The following RAPH1 variants were observed in gnomAD, a reference collection of about 807,000 sequenced individuals.
RAPH1 encodes the protein Ras association (RalGDS/AF-6) and pleckstrin homology domains 1, also known as ras-associated and pleckstrin homology domains-containing protein 1.
A neutral mutation model predicts 88.1 loss-of-function variants in RAPH1; 18 were observed. That is an observed-to-expected ratio of 0.20 (90% CI 0.14 to 0.30). The LOEUF is 0.30. Ranked by LOEUF, RAPH1 falls within the 10% of genes least tolerant of loss-of-function variation. The probability of loss-of-function intolerance (pLI) is 1.00; values close to 1 mark genes in which losing one functional copy is unlikely to be tolerated. For synonymous variants in RAPH1, 587 were observed against 559.0 expected, an observed-to-expected ratio of 1.05 and a Z score of -0.71; for missense variants, 1,448 against 1,543.2, an observed-to-expected ratio of 0.94 and a Z score of 1.03.
At chr2:203,533,692 T>C (rs1219551005) in intron 1 of RAPH1, among the ~76,000 whole-genome samples, 1 of 152,040 alleles carries the variant, frequency 6.6e-6, no homozygotes, top group Non-Finnish European at 1.5e-5. Flanking sequence ...TTTTACTATA[T>C]AGTTCACTGT....
chr2:203,515,160 T>A (rs774282387), intron 1 of RAPH1, among the ~76,000 whole-genome samples: 3 of 151,680 alleles, frequency 2.0e-5, no homozygotes, highest in Non-Finnish European at 4.4e-5. Flanking sequence ...CAGTCTCAGA[T>A]AATATATTAA....
At chr2:203,497,258 T>G (rs936765271) in intron 1 of RAPH1, among the ~76,000 whole-genome samples, 4 of 152,226 alleles carry the variant, frequency 2.6e-5, no homozygotes, top group African/African-American at 9.6e-5. Context: ...GTTTTAATAA[T>G]GTACTTCCCA....
At chr2:203,496,685 T>C (rs1437530836) in intron 1 of RAPH1, among the ~76,000 whole-genome samples, 1 of 152,226 alleles carries the variant, frequency 6.6e-6, no homozygotes, top group Non-Finnish European at 1.5e-5. Flanking sequence ...TGTTTCTTAA[T>C]ATCATAGTTA....
At chr2:203,517,497 T>A (rs1332656011) in intron 1 of RAPH1, among the ~76,000 whole-genome samples, 3 of 150,258 alleles carry the variant, frequency 2.0e-5, no homozygotes, top group African/African-American at 4.9e-5. Context: ...TTGAACTCAA[T>A]AACACCATCA....
intron 1 of RAPH1, among the ~76,000 whole-genome samples, chr2:203,525,242 A>C (rs1342147378): frequency 6.6e-6 from 1 of 152,054 alleles, no homozygotes; most frequent in Non-Finnish European, 1.5e-5. Context: ...CTGGAGTGCA[A>C]TGGCACAATC....
At chr2:203,461,065 G>C (rs776449445) in intron 6 of RAPH1, among the ~76,000 whole-genome samples, 184 bp downstream of exon 6, 1 of 151,958 alleles carries the variant, frequency 6.6e-6, no homozygotes, top group South Asian at 2.1e-4. Context: ...GCAGTGACCC[G>C]AGATCGTGCC....
In RAPH1 at chr2:203,440,658, C is replaced by G; in HGVS notation, c.2532G>C (p.Gln844His). Residue 844 changes from glutamine (Q) to histidine (H), a missense_variant, in exon 14 of 14, where the codon CAG (glutamine) becomes CAC (histidine). Around this residue, in one of 2 missense-constraint regions of RAPH1, gnomAD observed 935 missense variants for 890.1 expected, o/e 1.05. Coordinates refer to ENST00000319170, the MANE Select transcript of RAPH1 (RefSeq NM_213589.3). ...PVPPPTLPKQQSFCAKPPPSP... is the reference protein window; with the variant it reads ...PVPPPTLPKQHSFCAKPPPSP... ...AGGGAGGGGGTTTTGCACAGAAGCTCTGTTGCTTGGGTAATGTTGGCGGGG... is the reference window on the plus strand; with the variant it reads ...AGGGAGGGGGTTTTGCACAGAAGCTGTGTTGCTTGGGTAATGTTGGCGGGG... 6.7e-7 allele frequency: 1 copy of G among 1,501,604 alleles called. No homozygotes were observed. The highest frequency in any genetic ancestry group is 1.2e-5 in the South Asian group (1 of 80,420). 93.0% of individuals were successfully genotyped at this position (1,501,604 alleles called of 1,614,324 possible). A position where few individuals can be genotyped will look rare whatever the true frequency, so the allele number is the denominator to read the frequency against.
chr2:203,528,011 T>C (rs1690203377), intron 1 of RAPH1, among the ~76,000 whole-genome samples: 1 of 152,140 alleles, frequency 6.6e-6, no homozygotes, highest in African/African-American at 2.4e-5. Flanking sequence ...CATGGTATTT[T>C]GTACCAAACA....
At position 203,439,253 on chromosome 2, in the gene RAPH1, A is replaced by G; in HGVS notation, c.*184T>C. 1.7e-6 allele frequency: 1 copy of G among 582,670 alleles called. No homozygotes were observed. Among genetic ancestry groups the G allele is most frequent in the Non-Finnish European group, 3.1e-6 (1 of 327,324 alleles). The allele number at this position is 582,670 out of a possible 1,614,324, so 36.1% of individuals were successfully genotyped here. A position where few individuals can be genotyped will look rare whatever the true frequency, so the allele number is the denominator to read the frequency against. On this transcript the variant is annotated 3_prime_UTR_variant, in exon 14 of 14. Transcript: ENST00000319170. Reference sequence around the variant, plus strand: ...TACACATACACATACATATATGTATACATATATACACACACTGTACAGCTG... The same window carrying G: ...TACACATACACATACATATATGTATGCATATATACACACACTGTACAGCTG...
Position 203,440,382 on chromosome 2 carries a change from T to C in RAPH1, c.2808A>G (p.Pro936=), listed in dbSNP as rs1230843370. 6.4e-7 allele frequency: 1 copy of C among 1,559,352 alleles called. No individual in the cohort carries two copies. Among genetic ancestry groups the C allele is most frequent in the Non-Finnish European group, 8.7e-7 (1 of 1,152,474 alleles). ...VFPPPPPSPV[P]APPPPPPPTA... ...TGGGTGGAGGTGGTGGTGGTGGGGC[T>C]GGGACAGGTGATGGGGGTGGAGGAG... is the stretch of plus-strand genomic sequence containing the variant. Residue 936 remains proline, a synonymous_variant, in exon 14 of 14, where the codon CCA becomes CCG. Transcript: ENST00000319170.
At chr2:203,457,445 A>C in intron 8 of RAPH1, 85 bp downstream of exon 8, 1 of 1,043,258 alleles carries the variant, frequency 9.6e-7, no homozygotes, top group Non-Finnish European at 1.5e-6. Flanking sequence ...CAGCCTCCCG[A>C]AGTGTTGGGA....
intron 1 of RAPH1, among the ~76,000 whole-genome samples, chr2:203,520,721 G>A (rs1321378298): frequency 1.3e-5 from 2 of 151,890 alleles, no homozygotes; most frequent in African/African-American, 4.8e-5. Flanking sequence ...GAAACCATCA[G>A]ACTCATAAAG....
In RAPH1 at chr2:203,439,505, A is replaced by G. The variant is rs371740297; in HGVS notation, c.3685T>C (p.Leu1229=). 6.2e-6 allele frequency: 10 copies of G among 1,613,942 alleles called. No homozygotes were observed. In the African/African-American group the frequency reaches 9.3e-5, roughly 15 times the overall value. The change falls in exon 14 of 14, where the codon TTG becomes CTG. Residue 1229 remains leucine (L), a synonymous_variant. Coordinates refer to ENST00000319170, the MANE Select transcript of RAPH1 (RefSeq NM_213589.3). ...GGSHISGYAT[L]RRGPPPAPPK... ...GGAGCAGGAGGGGGTCCTCTCCGCA[A>G]CGTTGCATAGCCTGATATATGACTG...
At chr2:203,468,787 C>T (rs1433402958) in intron 4 of RAPH1, among the ~76,000 whole-genome samples, 11 of 151,916 alleles carry the variant, frequency 7.2e-5, no homozygotes, top group Non-Finnish European at 1.2e-4. Flanking sequence ...GGAAGGGGGA[C>T]GGGCAATAAT....
chr2:203,473,676 A>T (rs746989103), intron 4 of RAPH1, among the ~76,000 whole-genome samples: 1 of 151,424 alleles, frequency 6.6e-6, no homozygotes, highest in Admixed American at 6.6e-5. Flanking sequence ...ACGTTTAATT[A>T]AAAAAAAATT....
intron 2 of RAPH1, among the ~76,000 whole-genome samples, chr2:203,494,699 C>G (rs1277756563): frequency 6.6e-6 from 1 of 151,372 alleles, no homozygotes; most frequent in Non-Finnish European, 1.5e-5. Context: ...GTCCCAGCTA[C>G]TCGGGAGGCT....
intron 4 of RAPH1, among the ~76,000 whole-genome samples, chr2:203,478,222 G>A (rs1439620036): frequency 6.6e-6 from 1 of 151,918 alleles, no homozygotes; most frequent in Admixed American, 6.6e-5. Context: ...TTTTAGTAGA[G>A]ACGGGGTTTC....
At chr2:203,514,208 G>A (rs889725139) in intron 1 of RAPH1, among the ~76,000 whole-genome samples, 1 of 152,142 alleles carries the variant, frequency 6.6e-6, no homozygotes, top group Non-Finnish European at 1.5e-5. Context: ...ATTACTTAAG[G>A]GGAGGGAGCA....
chr2:203,508,002 G>C (rs192285309), intron 1 of RAPH1, among the ~76,000 whole-genome samples: 2,248 of 151,246 alleles, frequency 0.015, 54 homozygotes, highest in African/African-American at 0.051. Flanking sequence ...CACCAGGTCA[G>C]GAGATCAAGA....
Sources: allele counts gnomAD v4.1 joint callset (sites outside exome capture counted in the v4.1 genomes callset), GRCh38; gene constraint gnomAD v4.1.1; regional missense constraint gnomAD v4.1.1; transcripts MANE v1.5; gene names NCBI Gene and HGNC (gene_info 2026-07-23, HGNC 2026-07-21).